The following PPM1B variants were observed in gnomAD, a reference collection of about 807,000 sequenced individuals.
PPM1B encodes protein phosphatase, Mg2+/Mn2+ dependent 1B.
Under a neutral mutation model 43.0 loss-of-function variants are expected in PPM1B, and 22 were observed. That is an observed-to-expected ratio of 0.51 (90% confidence interval 0.37 to 0.73). The LOEUF (loss-of-function observed/expected upper bound fraction) is 0.73, where lower values mean the gene tolerates loss of function less well. PPM1B is among the 30% of genes least tolerant of loss of function. The pLI is 0.00. For synonymous variants in PPM1B, 217 were observed against 197.9 expected, an observed-to-expected ratio of 1.10 and a Z score of -0.81; for missense variants, 632 against 584.2, an observed-to-expected ratio of 1.08 and a Z score of -0.84.
chr2:44,203,362 A>G (rs1451796860), intron 2 of PPM1B, among the ~76,000 whole-genome samples: 1 of 152,082 alleles, frequency 6.6e-6, no homozygotes, highest in Non-Finnish European at 1.5e-5. Flanking sequence ...AAAATTATGT[A>G]TTTGTCTTTG....
intron 3 of PPM1B, among the ~76,000 whole-genome samples, chr2:44,215,894 G>A (rs1012396438): frequency 2.6e-5 from 4 of 152,148 alleles, no homozygotes; most frequent in Admixed American, 6.5e-5. Context: ...TTGAGCAGCC[G>A]TGCTTGGAGA....
chr2:44,209,364 G>C, intron 3 of PPM1B, 37 bp downstream of exon 3: 1 of 1,609,674 alleles, frequency 6.2e-7, no homozygotes, highest in Non-Finnish European at 8.5e-7. Context: ...AGACAGGCCA[G>C]GCACGGTAGC....
At chr2:44,244,624 G>T (rs150111927), downstream of PPM1B, among the ~76,000 whole-genome samples, 1 of 151,928 alleles carries the variant, frequency 6.6e-6, no homozygotes, top group Non-Finnish European at 1.5e-5. Context: ...ATTTCTAAAC[G>T]GTTAAGACCG....
rs147406697 is a variant in PPM1B at position 44,201,917 on chromosome 2, T to G, written c.718T>G (p.Leu240Val). Residue 240 changes from leucine (L) to valine (V), a missense_variant, in exon 2 of 6, where the codon TTG becomes GTG. This residue lies in a region of PPM1B where 392 missense variants were observed against 302.7 expected (regional missense o/e 1.29). Transcript: ENST00000282412. The surrounding 1 kb of genome is among the most constrained non-coding windows in gnomAD (Gnocchi z 5.4). ...AGCAGAAGAGGATGAATTTATCATC[T>G]TGGCTTGTGATGGGATCTGGGATGT... ...LRAEEDEFII[L>V]ACDGIWDVMS... 6 of 1,614,196 alleles carry G rather than the reference T, an allele frequency of 3.7e-6. No individual in the cohort carries two copies. In the African/African-American group the frequency reaches 6.7e-5, roughly 18 times the overall value.
In PPM1B at chr2:44,218,044, C is replaced by T. The variant is rs765714663; in HGVS notation, c.1042C>T (p.Pro348Ser). Reference protein sequence around the residue: ...VMRILSAENIPNLPPGGGLAG... With the variant: ...VMRILSAENISNLPPGGGLAG... ...GCGCATCTTGTCTGCAGAAAATATC[C>T]CAAATTTGCCTCCTGGGGGAGGTCT... The change falls in exon 4 of 6, where the codon CCA becomes TCA. Residue 348 changes from proline (P) to serine (S), a missense_variant. Pro to Ser is a moderately conservative substitution (Grantham distance 74). Transcript: ENST00000282412. 2 of 1,612,452 alleles carry T rather than the reference C, an allele frequency of 1.2e-6. No individual in the cohort carries two copies. The highest frequency in any genetic ancestry group is 1.7e-6 in the Non-Finnish European group (2 of 1,179,478).
chr2:44,189,621 G>T (rs892571323), intron 1 of PPM1B, among the ~76,000 whole-genome samples: 1 of 151,950 alleles, frequency 6.6e-6, no homozygotes, highest in African/African-American at 2.4e-5. Context: ...CTGCCACCAC[G>T]CCTGGCTAAT....
chr2:44,212,921 G>A (rs1420580962), intron 3 of PPM1B, among the ~76,000 whole-genome samples: 1 of 151,296 alleles, frequency 6.6e-6, no homozygotes, highest in Non-Finnish European at 1.5e-5. Flanking sequence ...GCTGAGGCAG[G>A]AGAATGGTGT....
chr2:44,239,972 G>GCTTGGATGA (rs753155329), intron 5 of PPM1B, among the ~76,000 whole-genome samples: 1 of 111,980 alleles, frequency 8.9e-6, no homozygotes, highest in Non-Finnish European at 2.1e-5. Flanking sequence ...CTGACATCTA[G>GCTTGGATGA]CAGGTATACA....
At chr2:44,227,164 G>T (rs925252914) in intron 5 of PPM1B, among the ~76,000 whole-genome samples, 1 of 151,434 alleles carries the variant, frequency 6.6e-6, no homozygotes, top group African/African-American at 2.4e-5. Flanking sequence ...TTGTAGAGAC[G>T]GGGTCTCCCC....
At chr2:44,189,992 T>G (rs576241274) in intron 1 of PPM1B, among the ~76,000 whole-genome samples, 2 of 152,270 alleles carry the variant, frequency 1.3e-5, no homozygotes, top group South Asian at 4.1e-4. Flanking sequence ...CTAGAAACAC[T>G]TTTATCATGT....
At chr2:44,185,634 T>C (rs904623251) in intron 1 of PPM1B, among the ~76,000 whole-genome samples, 7 of 152,240 alleles carry the variant, frequency 4.6e-5, no homozygotes, top group African/African-American at 1.4e-4. Context: ...CTCTCACTTA[T>C]GATTTCAGAG....
At chr2:44,188,715 TTTCCTTCCTTCC>T (rs1156418924) in intron 1 of PPM1B, among the ~76,000 whole-genome samples, 3 of 142,244 alleles carry the variant, frequency 2.1e-5, no homozygotes, top group South Asian at 2.1e-4. Flanking sequence ...GCCTGCCTGC[TTTCCTTCCTTCC>T]TTCCTTCCTT....
chr2:44,211,825 C>G (rs1669483621), intron 3 of PPM1B, among the ~76,000 whole-genome samples: 3 of 150,248 alleles, frequency 2.0e-5, no homozygotes, highest in African/African-American at 7.4e-5. Flanking sequence ...TCTTGGCTTA[C>G]CGCAGTCTCT....
chr2:44,178,646 T>C (rs1050892618), intron 1 of PPM1B, among the ~76,000 whole-genome samples: 9 of 151,848 alleles, frequency 5.9e-5, no homozygotes, highest in African/African-American at 2.2e-4. Context: ...TTTTTTTGTA[T>C]TTTTAGTAGA....
At chr2:44,238,241 C>T (rs1670670262), downstream of PPM1B, among the ~76,000 whole-genome samples, 1 of 152,100 alleles carries the variant, frequency 6.6e-6, no homozygotes, top group Non-Finnish European at 1.5e-5. Flanking sequence ...TCCACAGTGA[C>T]ATGATATAGA....
chr2:44,216,151 G>C (rs562456500), intron 3 of PPM1B, among the ~76,000 whole-genome samples: 1 of 152,326 alleles, frequency 6.6e-6, no homozygotes, highest in African/African-American at 2.4e-5. Flanking sequence ...GTATGGAGAA[G>C]AGATTGTATA....
chr2:44,177,808 T>C (rs1250044582), intron 1 of PPM1B, among the ~76,000 whole-genome samples: 2 of 152,134 alleles, frequency 1.3e-5, no homozygotes, highest in African/African-American at 4.8e-5. Flanking sequence ...TTTTACAATT[T>C]GTTCTTGTCA....
At chr2:44,192,839 T>G (rs1313328197) in intron 1 of PPM1B, among the ~76,000 whole-genome samples, 1 of 152,228 alleles carries the variant, frequency 6.6e-6, no homozygotes, top group Non-Finnish European at 1.5e-5. Context: ...ATTCCTGGCT[T>G]CTTTTACTTA....
intron 1 of PPM1B, among the ~76,000 whole-genome samples, chr2:44,173,338 C>T (rs1403597805): frequency 6.6e-6 from 1 of 152,164 alleles, no homozygotes; most frequent in Non-Finnish European, 1.5e-5. Flanking sequence ...TTTTTAGTAA[C>T]ATATAACATC....
Sources: allele counts gnomAD v4.1 joint callset (sites outside exome capture counted in the v4.1 genomes callset), GRCh38; gene constraint gnomAD v4.1.1; regional missense constraint gnomAD v4.1.1; non-coding constraint Gnocchi (gnomAD v3.1); transcripts MANE v1.5; gene names NCBI Gene and HGNC (gene_info 2026-07-23, HGNC 2026-07-21).